The following RABL6 variants were observed in gnomAD, a reference collection of about 807,000 sequenced individuals.
RABL6 encodes the protein RAB, member RAS oncogene family like 6.
Under a neutral mutation model 72.9 loss-of-function variants are expected in RABL6, and 28 were observed. The ratio of observed to expected loss-of-function variants is 0.38; its 90% confidence interval spans 0.28 to 0.53. RABL6 has a LOEUF of 0.53. RABL6 is among the 20% of genes least tolerant of loss of function. The pLI, the probability that RABL6 is intolerant of heterozygous loss-of-function variation, is 0.80. For missense variants in RABL6, 1,029 were observed against 1,008.4 expected, an observed-to-expected ratio of 1.02 and a Z score of -0.28; for synonymous variants, 477 against 421.2, an observed-to-expected ratio of 1.13 and a Z score of -1.62.
At chr9:136,810,244 G>A (rs920473888) in intron 1 of RABL6, among the ~76,000 whole-genome samples, 1 of 152,104 alleles carries the variant, frequency 6.6e-6, no homozygotes, top group Non-Finnish European at 1.5e-5. Context: ...AAGGCTCCCC[G>A]AGGGTCCTGG....
rs767763981 is a variant in RABL6 at position 136,823,562 on chromosome 9, G to A, written c.168G>A (p.Lys56=). The A allele has an allele frequency of 2.5e-6, 4 of 1,613,778 alleles. No homozygotes were observed. The African/African-American group carries it at 4.0e-5, about 16-fold the overall frequency. The change falls in exon 2 of 15, where the codon AAG becomes AAA. Residue 56 remains lysine, a synonymous_variant. Transcript: ENST00000311502. The part of the protein sequence containing the change: ...IVIRGDRNTG[K]TALWHRLQGR... ...TCCGGGGAGACAGGAACACGGGCAA[G>A]ACAGCGCTGTGGCACCGCCTGCAGG... is the stretch of plus-strand genomic sequence containing the variant.
chr9:136,828,232 C>G (rs1848398553), intron 3 of RABL6: 1 of 483,328 alleles, frequency 2.1e-6, no homozygotes, highest in Admixed American at 3.3e-5. Context: ...CGCAGCCTGT[C>G]CAGGAGCTGC....
rs1377468752 is a variant in RABL6, at chr9:136,808,161, C to G, written c.-36C>G. On this transcript the variant is annotated 5_prime_UTR_variant, in exon 1 of 15. Transcript: ENST00000311502. ...CCCTTCCCCGCCGCCGCTGAGCTCG[C>G]CGGCCGCGCCCGGGCTGGGACGTCC... is the stretch of plus-strand genomic sequence containing the variant. The G allele has an allele frequency of 6.8e-7, 1 of 1,475,436 alleles. No individual in the cohort carries two copies. The highest frequency in any genetic ancestry group is 9.0e-7 in the Non-Finnish European group (1 of 1,109,868). The allele number at this position is 1,475,436 out of a possible 1,614,324, so 91.4% of individuals were successfully genotyped here.
chr9:136,811,423 G>A (rs536358413), intron 1 of RABL6, among the ~76,000 whole-genome samples: 2 of 152,068 alleles, frequency 1.3e-5, no homozygotes, highest in South Asian at 4.2e-4. Flanking sequence ...TTCAAGACCA[G>A]CCTGGCCAAC....
chr9:136,821,944 G>T lies in RABL6; in HGVS notation c.131-1581G>T. The T allele has an allele frequency of 4.7e-6, 6 of 1,288,922 alleles. No homozygotes were observed. In the South Asian group the frequency reaches 7.4e-5, roughly 16 times the overall value. The allele number at this position is 1,288,922 out of a possible 1,614,324, so 79.8% of individuals were successfully genotyped here. A position where few individuals can be genotyped will look rare whatever the true frequency, so the allele number is the denominator to read the frequency against. ...TCCCCTCTGGAGGTTTTGCCGCAGC[G>T]CTGGCCGGCGCCGAGATATGACCAG... On this transcript the variant is annotated intron_variant, in intron 1 of 14. Transcript: ENST00000311502.
chr9:136,819,983 G>T (rs550328016), intron 1 of RABL6, among the ~76,000 whole-genome samples: 120 of 152,186 alleles, frequency 7.9e-4, no homozygotes, highest in African/African-American at 2.8e-3. Flanking sequence ...TGGGCGGATT[G>T]CCTGAGCTCA....
rs116599726 is a variant in RABL6 at position 136,829,364 on chromosome 9, G to A, written c.367-29G>A. Reference sequence around the variant, plus strand: ...CACGGGTGGGGCCCAGCCTGGGCCAGTCTCACACCTGTTCCCTCCTGTCCC... The same window carrying A: ...CACGGGTGGGGCCCAGCCTGGGCCAATCTCACACCTGTTCCCTCCTGTCCC... On this transcript the variant is annotated intron_variant, in intron 4 of 14. Transcript: ENST00000311502. The A allele has an allele frequency of 1.0e-3, 1,555 of 1,539,612 alleles. 12 individuals are homozygous for A. The African/African-American group carries it at 0.018, about 18-fold the overall frequency.
rs1848617148 is a variant in RABL6, at chr9:136,838,048, G to GC, written c.1280+39dup. The GC allele has an allele frequency of 3.2e-6, 5 of 1,548,404 alleles. No homozygotes were observed. In the Admixed American group the frequency reaches 5.9e-5, roughly 18 times the overall value. On this transcript the variant is annotated intron_variant, in intron 10 of 14. Transcript: ENST00000311502. ...GTGGGCCTGGGCCTCCTCTCCCATT[G>GC]CCCCCCAGCCTCCAGGGTGCCCGAG...
chr9:136,839,472 A>C lies in RABL6; in HGVS notation c.1744A>C (p.Thr582Pro), dbSNP rs1005094268. Residue 582 changes from threonine to proline, a missense_variant, in exon 12 of 15, where the codon ACA becomes CCA. By Grantham distance (38) the Thr-to-Pro change is conservative. Coordinates refer to ENST00000311502, the MANE Select transcript of RABL6 (RefSeq NM_024718.5). ...CGACTTTGAGAGCGAGGGATCAGAC[A>C]CACAGCGCAGGGCGGTAAGACGAGT... The part of the protein sequence containing the change: ...DPDFESEGSD[T>P]QRRADDFPVR... 1 of 1,612,182 alleles carries C rather than the reference A, an allele frequency of 6.2e-7. No individual in the cohort carries two copies. Among genetic ancestry groups the C allele is most frequent in the Non-Finnish European group, 8.5e-7 (1 of 1,179,574 alleles).
Position 136,829,481 on chromosome 9 carries a change from A to C in RABL6, c.455A>C (p.Gln152Pro), listed in dbSNP as rs1848426406. The change falls in exon 5 of 15, where the codon CAG (glutamine) becomes CCG (proline). Residue 152 changes from glutamine to proline, a missense_variant. Transcript: ENST00000311502. ...GTCATGATGTTCGACATTACCAAGC[A>C]GTGGTAAGAGGGAGCTGGCGGGGGC... ...GVVMMFDITK[Q>P]WTFNYILREL... 1 of 1,579,418 alleles carries C rather than the reference A, an allele frequency of 6.3e-7. No individual in the cohort carries two copies. The highest frequency in any genetic ancestry group is 1.8e-5 in the Admixed American group (1 of 54,772).
At chr9:136,822,339 C>T (rs2131174717) in intron 1 of RABL6, among the ~76,000 whole-genome samples, 1 of 151,688 alleles carries the variant, frequency 6.6e-6, no homozygotes, top group East Asian at 1.9e-4. Flanking sequence ...CGGCTCCCTT[C>T]CCTGGCTTCC....
chr9:136,810,553 G>A (rs573913497), intron 1 of RABL6, among the ~76,000 whole-genome samples: 1 of 151,816 alleles, frequency 6.6e-6, no homozygotes, highest in Admixed American at 6.6e-5. Context: ...TTTCTTTTTT[G>A]AGACAGAGTT....
Position 136,838,049 on chromosome 9 carries a change from C to A in RABL6, c.1280+34C>A, listed in dbSNP as rs760410012. 5.8e-6 allele frequency: 9 copies of A among 1,548,000 alleles called. No individual in the cohort carries two copies. In the Admixed American group the frequency reaches 1.6e-4, roughly 27 times the overall value. On this transcript the variant is annotated intron_variant, in intron 10 of 14. Transcript: ENST00000311502. Reference sequence around the variant, plus strand: ...TGGGCCTGGGCCTCCTCTCCCATTGCCCCCCAGCCTCCAGGGTGCCCGAGC... The same window carrying A: ...TGGGCCTGGGCCTCCTCTCCCATTGACCCCCAGCCTCCAGGGTGCCCGAGC...
chr9:136,832,795 C>G, intron 7 of RABL6: 1 of 326,328 alleles, frequency 3.1e-6, no homozygotes, highest in Non-Finnish European at 6.0e-6. Flanking sequence ...GAGGTACTCG[C>G]TGTTCACATC....
In RABL6 at chr9:136,826,391, G is replaced by A. The variant is rs574097173; in HGVS notation, c.313+565G>A. 1.3e-5 allele frequency among the ~76,000 whole-genome samples: 2 copies of A among 152,322 alleles called. No homozygotes were observed. Among genetic ancestry groups the A allele is most frequent in the African/African-American group, 4.8e-5 (2 of 41,568 alleles). On this transcript the variant is annotated intron_variant, in intron 3 of 14. Coordinates refer to ENST00000311502, the MANE Select transcript of RABL6 (RefSeq NM_024718.5). The surrounding 1 kb of genome is among the most constrained non-coding windows in gnomAD (Gnocchi z 4.9). ...GCCCTCCCCGGGGCCCATGGTCCGT[G>A]TGCATGTGTGGTGTGTGCAGGGCTG...
intron 7 of RABL6, chr9:136,833,655 G>T (rs1006815189): frequency 3.9e-6 from 6 of 1,543,862 alleles, no homozygotes; most frequent in Non-Finnish European, 2.6e-6. Flanking sequence ...GCCCTGGGCT[G>T]CCCCGACTGG....
In RABL6 at chr9:136,837,610, C is replaced by A. The variant is rs774668271; in HGVS notation, c.1074C>A (p.Ile358=). 4.4e-6 allele frequency: 7 copies of A among 1,596,664 alleles called. No individual in the cohort carries two copies. The highest frequency in any genetic ancestry group is 1.7e-5 in the Admixed American group (1 of 58,340). The part of the protein sequence containing the change: ...PSAPAPRRSI[I]SRLFGTSPAT... ...CCCCCGCCCCACGGCGCAGCATCAT[C>A]TCTAGGCTGTTTGGGACGTCACCTG... Residue 358 remains isoleucine (I), a synonymous_variant, in exon 9 of 15, where the codon ATC becomes ATA. Coordinates refer to ENST00000311502, the MANE Select transcript of RABL6 (RefSeq NM_024718.5).
intron 1 of RABL6, among the ~76,000 whole-genome samples, chr9:136,823,216 G>T: frequency 6.6e-6 from 1 of 151,746 alleles, no homozygotes; most frequent in East Asian, 1.9e-4. Context: ...GGGGTCCCAG[G>T]GGTGGGCTCT....
chr9:136,835,895 G>T, intron 8 of RABL6, 50 bp downstream of exon 8: 1 of 1,513,446 alleles, frequency 6.6e-7, no homozygotes, highest in Non-Finnish European at 9.0e-7. Flanking sequence ...TGCGGGCGTG[G>T]CCGTGGTGCA....
Sources: gnomAD v4.1 joint callset for allele counts (sites outside exome capture counted in the v4.1 genomes callset) on GRCh38, gnomAD v4.1.1 for gene constraint, Gnocchi (gnomAD v3.1) non-coding constraint, MANE v1.5 for transcripts, NCBI Gene and HGNC (gene_info 2026-07-23, HGNC 2026-07-21) for gene names.